ZRSR2: variants seen among roughly 807,000 people sequenced by gnomAD.
ZRSR2 encodes zinc finger CCCH-type, RNA binding motif and serine/arginine rich 2, also known as U2 small nuclear ribonucleoprotein auxiliary factor 35 kDa subunit-related protein 2.
ZRSR2 carries 3 observed loss-of-function variants against 39.4 expected under a neutral mutation model. The observed-to-expected ratio is 0.08, with a 90% confidence interval of 0.03 to 0.20. ZRSR2 has a LOEUF of 0.20. Ranked by LOEUF, ZRSR2 falls within the 10% of genes least tolerant of loss-of-function variation. The pLI is 1.00. For missense variants in ZRSR2, 256 were observed against 391.5 expected, an observed-to-expected ratio of 0.65 and a Z score of 2.92; for synonymous variants, 137 against 136.0, an observed-to-expected ratio of 1.01 and a Z score of -0.05.
chrX:15,796,124 G>C (rs935681105), intron 2 of ZRSR2, among the ~76,000 whole-genome samples: 2 of 109,683 alleles, frequency 1.8e-5, no homozygotes, highest in Non-Finnish European at 3.8e-5. Flanking sequence ...CGCCTCCCGG[G>C]TTGAAGCAAT....
At chrX:15,794,751 CTGACA>C (rs1403683277) in intron 2 of ZRSR2, among the ~76,000 whole-genome samples, 2 of 111,914 alleles carry the variant, frequency 1.8e-5, no homozygotes, top group Admixed American at 9.5e-5. Flanking sequence ...TAATTTCTGT[CTGACA>C]TTTTTGCTTT....
At chrX:15,806,888 G>C (rs906346929) in intron 5 of ZRSR2, among the ~76,000 whole-genome samples, 6 of 111,532 alleles carry the variant, frequency 5.4e-5, no homozygotes, top group Admixed American at 4.8e-4. Flanking sequence ...AGAGGACAAG[G>C]AGAGAGAGAG....
chrX:15,795,087 T>TCC (rs1569063425), intron 2 of ZRSR2, among the ~76,000 whole-genome samples: 3 of 56,295 alleles, frequency 5.3e-5, no homozygotes, highest in African/African-American at 2.9e-4. Flanking sequence ...CCCTGCACTT[T>TCC]TCCCCCCCCC....
At chrX:15,821,503 C>T (rs772936973) in intron 10 of ZRSR2, among the ~76,000 whole-genome samples, 3 of 111,143 alleles carry the variant, frequency 2.7e-5, no homozygotes, top group Non-Finnish European at 5.7e-5. Context: ...TTGGTATATT[C>T]TCCATACAAG....
intron 5 of ZRSR2, among the ~76,000 whole-genome samples, chrX:15,806,221 G>A (rs751735321): frequency 9.6e-6 from 1 of 103,719 alleles, no homozygotes; most frequent in East Asian, 3.1e-4. Flanking sequence ...AGTGGAGGAG[G>A]TTGCTGAGGG....
intron 2 of ZRSR2, among the ~76,000 whole-genome samples, chrX:15,793,612 C>G (rs1000695738): frequency 8.9e-6 from 1 of 111,753 alleles, no homozygotes; most frequent in Non-Finnish European, 1.9e-5. Flanking sequence ...GATCTAGGCT[C>G]ACTGTAACCT....
intron 7 of ZRSR2, among the ~76,000 whole-genome samples, chrX:15,814,465 CAAA>C (rs1247602355): frequency 9.0e-6 from 1 of 111,375 alleles, no homozygotes; most frequent in African/African-American, 3.3e-5. Context: ...CCCGTCCCTA[CAAA>C]AATAAAATTA....
chrX:15,804,649 G>A (rs1368308434), intron 5 of ZRSR2, among the ~76,000 whole-genome samples: 1 of 111,994 alleles, frequency 8.9e-6, no homozygotes, highest in Non-Finnish European at 1.9e-5. Flanking sequence ...AGGTTCTGCT[G>A]TATATGAGTT....
intron 6 of ZRSR2, among the ~76,000 whole-genome samples, chrX:15,808,807 G>T (rs889649979): frequency 9.1e-6 from 1 of 110,297 alleles, no homozygotes; most frequent in African/African-American, 3.3e-5. Context: ...TTTTAGTAGA[G>T]ATGGGGTTTC....
intron 6 of ZRSR2, 128 bp from the exon 7 acceptor site, chrX:15,809,072 A>C: frequency 1.8e-6 from 1 of 546,377 alleles, no homozygotes; most frequent in Non-Finnish European, 3.2e-6. Context: ...TGCCTGTTCC[A>C]ACTTAAATGT....
intron 3 of ZRSR2, among the ~76,000 whole-genome samples, chrX:15,803,440 C>T (rs1932735774): frequency 9.0e-6 from 1 of 111,323 alleles, no homozygotes; most frequent in African/African-American, 3.3e-5. Flanking sequence ...ATGTCACAGC[C>T]ATATATACCT....
chrX:15,802,856 T>G (rs1162929572), intron 3 of ZRSR2, among the ~76,000 whole-genome samples: 1 of 111,858 alleles, frequency 8.9e-6, no homozygotes, highest in Non-Finnish European at 1.9e-5. Context: ...TTTGGCTGTT[T>G]AGGTGTTTGG....
rs898491248 is a variant in ZRSR2 at position 15,796,223 on chromosome X, A to G, written c.122-3649A>G. On this transcript the variant is annotated intron_variant, in intron 2 of 10. Transcript: ENST00000307771. ...TGACTTTTCTCTGCTTCTTGAGAGC[A>G]CTTCCAGCATCGCTAGTCGCACTTT... 9.0e-6 allele frequency among the ~76,000 whole-genome samples: 1 copy of G among 111,515 alleles called. No individual in the cohort carries two copies. The highest frequency in any genetic ancestry group is 1.9e-5 in the Non-Finnish European group (1 of 53,110).
chrX:15,801,380 C>T (rs192283482), intron 3 of ZRSR2: 5 of 300,766 alleles, frequency 1.7e-5, no homozygotes, highest in Non-Finnish European at 3.2e-5. Context: ...AGGCACGCAC[C>T]GCCACACCCA....
chrX:15,794,033 AC>A (rs1373402912), intron 2 of ZRSR2, among the ~76,000 whole-genome samples: 1 of 112,168 alleles, frequency 8.9e-6, no homozygotes, highest in African/African-American at 3.2e-5. Context: ...GAAACAAGCT[AC>A]CTCGTCAGAA....
chrX:15,809,183 A>G lies in ZRSR2; in HGVS notation c.439-17A>G. The G allele has an allele frequency of 8.9e-7, 1 of 1,127,566 alleles. No individual in the cohort carries two copies. The highest frequency in any genetic ancestry group is 1.2e-6 in the Non-Finnish European group (1 of 818,897). The allele number at this position is 1,127,566 out of a possible 1,213,427, so 92.9% of individuals were successfully genotyped here. A position where few individuals can be genotyped will look rare whatever the true frequency, so the allele number is the denominator to read the frequency against. On this transcript the variant is annotated splice_polypyrimidine_tract_variant and intron_variant, in intron 6 of 10. Coordinates refer to ENST00000307771, the MANE Select transcript of ZRSR2 (RefSeq NM_005089.4). ...GGGTTTTTACTCCACCAGTAAAGTCATGGTTATTTTCAACAGTTGGAAAAT... is the reference window on the plus strand; with the variant it reads ...GGGTTTTTACTCCACCAGTAAAGTCGTGGTTATTTTCAACAGTTGGAAAAT...
chrX:15,796,068 G>T (rs1285470431), intron 2 of ZRSR2, among the ~76,000 whole-genome samples: 1 of 107,559 alleles, frequency 9.3e-6, no homozygotes, highest in African/African-American at 3.4e-5. Context: ...TTGCTCTGTC[G>T]CCCAGGCTGG....
intron 7 of ZRSR2, among the ~76,000 whole-genome samples, chrX:15,811,803 T>C (rs1350667885): frequency 1.8e-5 from 2 of 112,461 alleles, no homozygotes; most frequent in Admixed American, 9.4e-5. Flanking sequence ...TGACAGGCCC[T>C]ACCTTGTGGG....
At chrX:15,815,969 C>A in intron 8 of ZRSR2, 79 bp downstream of exon 8, 1 of 884,578 alleles carries the variant, frequency 1.1e-6, no homozygotes, top group Non-Finnish European at 1.6e-6. Context: ...GGGACACAGG[C>A]TCAGCTGGGG....
Sources: allele counts gnomAD v4.1 joint callset (sites outside exome capture counted in the v4.1 genomes callset), GRCh38; gene constraint gnomAD v4.1.1; transcripts MANE v1.5; gene names NCBI Gene and HGNC (gene_info 2026-07-23, HGNC 2026-07-21).